GLIS2: variants seen among roughly 807,000 people sequenced by gnomAD.
The protein encoded by GLIS2 is GLIS family zinc finger 2.
In GLIS2, 14 loss-of-function variants were observed where a neutral mutation model predicts 35.6. That is an observed-to-expected ratio of 0.39 (90% CI 0.26 to 0.61). GLIS2 has a LOEUF of 0.61. Ranked by LOEUF, GLIS2 falls within the 20% of genes least tolerant of loss-of-function variation. The probability of loss-of-function intolerance (pLI) is 0.48; values close to 1 mark genes in which losing one functional copy is unlikely to be tolerated. For missense variants in GLIS2, 675 were observed against 713.4 expected, an observed-to-expected ratio of 0.95 and a Z score of 0.61; for synonymous variants, 368 against 325.1, an observed-to-expected ratio of 1.13 and a Z score of -1.42.
intron 1 of GLIS2, among the ~76,000 whole-genome samples, chr16:4,319,615 G>A (rs563958461): frequency 8.5e-5 from 13 of 152,182 alleles, no homozygotes; most frequent in Non-Finnish European, 1.3e-4. Context: ...GGCCGCCTCC[G>A]CCCCACCCTG....
Position 4,337,302 on chromosome 16 carries a change from GC to G in GLIS2, c.1356del (p.Thr453ProfsTer71). ...AGGGGGAGAAGGGGCGTGGGTCGGT[GC>G]CCACCAGGGCCCTGGGCATGGAGGG... The part of the protein sequence containing the change: ...AEGEKGRGSV[P>X]TRALGMEGHK... On this transcript the variant is annotated frameshift_variant, in exon 7 of 7. Coordinates refer to ENST00000433375, the MANE Select transcript of GLIS2 (RefSeq NM_032575.3). LOFTEE classifies it high-confidence loss of function. 1 of 1,562,046 alleles carries G rather than the reference GC, an allele frequency of 6.4e-7. No individual in the cohort carries two copies. Among genetic ancestry groups the G allele is most frequent in the Non-Finnish European group, 8.7e-7 (1 of 1,155,062 alleles).
intron 1 of GLIS2, among the ~76,000 whole-genome samples, chr16:4,318,489 C>T (rs527938233): frequency 1.2e-4 from 19 of 152,330 alleles, no homozygotes; most frequent in Admixed American, 5.2e-4. Flanking sequence ...GTGTGAACCG[C>T]GTCCCCCCAA....
rs2053375490 is a variant in GLIS2, at chr16:4,321,211, C to T, written c.-67+4957C>T. Reference sequence around the variant, plus strand: ...AGCTGGGGGGGATCTGGGCCCTTCCCACCATCCCAGCTGGCCAGGGTGGTT... The same window carrying T: ...AGCTGGGGGGGATCTGGGCCCTTCCTACCATCCCAGCTGGCCAGGGTGGTT... On this transcript the variant is annotated intron_variant, in intron 1 of 6. Coordinates refer to ENST00000433375, the MANE Select transcript of GLIS2 (RefSeq NM_032575.3). Among the ~76,000 whole-genome samples the T allele has an allele frequency of 4.6e-5, 7 of 152,258 alleles. No homozygotes were observed. In the South Asian group the frequency reaches 1.4e-3, roughly 32 times the overall value.
At chr16:4,334,052 C>G (rs915199425) in intron 3 of GLIS2, among the ~76,000 whole-genome samples, 8 of 152,174 alleles carry the variant, frequency 5.3e-5, no homozygotes, top group Non-Finnish European at 8.8e-5. Flanking sequence ...AAGCGATTCT[C>G]CTGCCTCAGC....
chr16:4,328,580 G>A (rs1037479196), intron 1 of GLIS2, among the ~76,000 whole-genome samples: 3 of 152,184 alleles, frequency 2.0e-5, no homozygotes, highest in South Asian at 2.1e-4. Flanking sequence ...TTCCTTTCCC[G>A]GGGGCAGGGA....
Position 4,332,140 on chromosome 16 carries a change from T to G in GLIS2, c.-66-75T>G. The G allele has an allele frequency of 9.3e-7, 1 of 1,077,282 alleles. No homozygotes were observed. The highest frequency in any genetic ancestry group is 1.4e-6 in the Non-Finnish European group (1 of 729,598). The allele number at this position is 1,077,282 out of a possible 1,614,324, so 66.7% of individuals were successfully genotyped here. A position where few individuals can be genotyped will look rare whatever the true frequency, so the allele number is the denominator to read the frequency against. Reference sequence around the variant, plus strand: ...ACACTGCCCCCTGCTCCTGCTCCTGTTAGACTGTCATGAGTACAGCCCGAG... The same window carrying G: ...ACACTGCCCCCTGCTCCTGCTCCTGGTAGACTGTCATGAGTACAGCCCGAG... On this transcript the variant is annotated intron_variant, in intron 1 of 6. Coordinates refer to ENST00000433375, the MANE Select transcript of GLIS2 (RefSeq NM_032575.3). This position sits in a 1 kb window ranked among gnomAD's most constrained non-coding sequence, Gnocchi z 5.4.
chr16:4,316,844 G>C (rs1330179321), intron 1 of GLIS2, among the ~76,000 whole-genome samples: 1 of 152,176 alleles, frequency 6.6e-6, no homozygotes, highest in Non-Finnish European at 1.5e-5. Context: ...CCTGCGGTCC[G>C]GGTGGACGCA....
chr16:4,328,150 C>T (rs961915866), intron 1 of GLIS2: 1 of 152,350 alleles, frequency 6.6e-6, no homozygotes, highest in Non-Finnish European at 1.5e-5. Context: ...GGCTCCTGCC[C>T]TCGGGACCCC....
Position 4,337,569 on chromosome 16 carries a change from C to A in GLIS2, c.*45C>A. ...GTGGTGCCCCCCCGGCAGCTCCCGGCACTGCCCCCGACGAACGGAAACTCT... is the reference window on the plus strand; with the variant it reads ...GTGGTGCCCCCCCGGCAGCTCCCGGAACTGCCCCCGACGAACGGAAACTCT... On this transcript the variant is annotated 3_prime_UTR_variant, in exon 7 of 7. Coordinates refer to ENST00000433375, the MANE Select transcript of GLIS2 (RefSeq NM_032575.3). 2 of 1,537,886 alleles carry A rather than the reference C, an allele frequency of 1.3e-6. No individual in the cohort carries two copies. Among genetic ancestry groups the A allele is most frequent in the Non-Finnish European group, 1.7e-6 (2 of 1,147,350 alleles).
intron 1 of GLIS2, among the ~76,000 whole-genome samples, chr16:4,326,277 C>G (rs1356545673): frequency 6.6e-6 from 1 of 152,122 alleles, no homozygotes; most frequent in Non-Finnish European, 1.5e-5. Context: ...ACAAAGGTGA[C>G]CACATAGACT....
Position 4,336,902 on chromosome 16 carries a change from G to A in GLIS2, c.953G>A (p.Gly318Asp). Reference sequence around the variant, plus strand: ...CTGCGCAAGCACATCAAGGCCCATGGCCACTTTGTGTCCCACGAGCAGCAA... The same window carrying A: ...CTGCGCAAGCACATCAAGGCCCATGACCACTTTGTGTCCCACGAGCAGCAA... ...SSLRKHIKAHGHFVSHEQQEL... is the reference protein window; with the variant it reads ...SSLRKHIKAHDHFVSHEQQEL... The change falls in exon 7 of 7, where the codon GGC becomes GAC. Residue 318 changes from glycine to aspartate, a missense_variant. By Grantham distance (94) the Gly-to-Asp change is moderately conservative. Transcript: ENST00000433375. The A allele has an allele frequency of 6.2e-7, 1 of 1,613,134 alleles. No homozygotes were observed. Among genetic ancestry groups the A allele is most frequent in the Non-Finnish European group, 8.5e-7 (1 of 1,180,004 alleles).
intron 1 of GLIS2, among the ~76,000 whole-genome samples, chr16:4,324,231 G>A (rs1362446543): frequency 6.6e-6 from 1 of 152,144 alleles, no homozygotes; most frequent in Non-Finnish European, 1.5e-5. Flanking sequence ...CCCAGGGACG[G>A]TGAATCCCCC....
intron 1 of GLIS2, among the ~76,000 whole-genome samples, 191 bp downstream of exon 1, chr16:4,316,445 C>T (rs910947712): frequency 7.9e-5 from 12 of 151,410 alleles, no homozygotes; most frequent in South Asian, 2.1e-4. Context: ...CCCTCCCTCG[C>T]CGGCTCCCCG....
At position 4,339,165 on chromosome 16, in the gene GLIS2, G is replaced by C. The variant is rs994221383; in HGVS notation, c.*1641G>C. 1 of 152,408 alleles carries C rather than the reference G, an allele frequency of 6.6e-6. No homozygotes were observed. The highest frequency in any genetic ancestry group is 1.5e-5 in the Non-Finnish European group (1 of 68,168). 9.4% of individuals were successfully genotyped at this position (152,408 alleles called of 1,614,324 possible). On this transcript the variant is annotated 3_prime_UTR_variant, in exon 7 of 7. Coordinates refer to ENST00000433375, the MANE Select transcript of GLIS2 (RefSeq NM_032575.3). ...GCCACACTGGCTCTGCCCCTCGAAGGGGCTATGAGCAAGGTAGGAGGGAGC... is the reference window on the plus strand; with the variant it reads ...GCCACACTGGCTCTGCCCCTCGAAGCGGCTATGAGCAAGGTAGGAGGGAGC...
rs570588872 is a variant in GLIS2, at chr16:4,324,495, T to G, written c.-66-7720T>G. 2.0e-4 allele frequency among the ~76,000 whole-genome samples: 31 copies of G among 152,256 alleles called. No individual in the cohort carries two copies. In the South Asian group the frequency reaches 5.4e-3, roughly 26 times the overall value. On this transcript the variant is annotated intron_variant, in intron 1 of 6. Coordinates refer to ENST00000433375, the MANE Select transcript of GLIS2 (RefSeq NM_032575.3). ...CTGAGGTTCTTTGAGGGGCATAGGC[T>G]TGTTTAGGGTGCACGCTGGCTGGCA... is the stretch of plus-strand genomic sequence containing the variant.
chr16:4,316,911 G>GTCCCTCCAGACCCGCCC (rs2053319581), intron 1 of GLIS2, among the ~76,000 whole-genome samples: 1 of 152,198 alleles, frequency 6.6e-6, no homozygotes, highest in Non-Finnish European at 1.5e-5. Flanking sequence ...CGGAGGGCGG[G>GTCCCTCCAGACCCGCCC]TCTGGAGCGG....
At position 4,332,130 on chromosome 16, in the gene GLIS2, C is replaced by T; in HGVS notation, c.-66-85C>T. On this transcript the variant is annotated intron_variant, in intron 1 of 6. Transcript: ENST00000433375. This position sits in a 1 kb window ranked among gnomAD's most constrained non-coding sequence, Gnocchi z 5.4. ...AGACAACCTCACACTGCCCCCTGCT[C>T]CTGCTCCTGTTAGACTGTCATGAGT... 2.0e-6 allele frequency: 2 copies of T among 1,006,880 alleles called. No individual in the cohort carries two copies. The highest frequency in any genetic ancestry group is 3.0e-6 in the Non-Finnish European group (2 of 666,030). The allele number at this position is 1,006,880 out of a possible 1,614,324, so 62.4% of individuals were successfully genotyped here. A position where few individuals can be genotyped will look rare whatever the true frequency, so the allele number is the denominator to read the frequency against.
intron 1 of GLIS2, among the ~76,000 whole-genome samples, chr16:4,323,004 G>A (rs192238400): frequency 1.1e-3 from 161 of 152,344 alleles, no homozygotes; most frequent in African/African-American, 3.4e-3. Context: ...TCCTGGCCCC[G>A]ACACTGGGGC....
chr16:4,337,152 GCTGCCAGGCCCCGTC>G lies in GLIS2; in HGVS notation c.1209_1223del (p.Gly404_Pro408del). 6.5e-7 allele frequency: 1 copy of G among 1,538,848 alleles called. No homozygotes were observed. The highest frequency in any genetic ancestry group is 8.7e-7 in the Non-Finnish European group (1 of 1,146,760). On this transcript the variant is annotated inframe_deletion, in exon 7 of 7. Transcript: ENST00000433375. The stretch of plus-strand genomic sequence containing the variant: ...GGGGTGGGGGGGGCATGGGCCCTGG[GCTGCCAGGCCCCGTC>G]CTGCCTCTCAATCTGGCCAAGAACC...
Sources: gnomAD v4.1 joint callset for allele counts (sites outside exome capture counted in the v4.1 genomes callset) on GRCh38, gnomAD v4.1.1 for gene constraint, Gnocchi (gnomAD v3.1) non-coding constraint, MANE v1.5 for transcripts, NCBI Gene and HGNC (gene_info 2026-07-23, HGNC 2026-07-21) for gene names.